The following CRAMP1 variants were observed in gnomAD, a reference collection of about 807,000 sequenced individuals.
CRAMP1 encodes cramped chromatin regulator 1.
In CRAMP1, 50 loss-of-function variants were observed where a neutral mutation model predicts 115.4. The ratio of observed to expected loss-of-function variants is 0.43; its 90% CI spans 0.35 to 0.55. The LOEUF is 0.55. Among genes scored for constraint, CRAMP1 ranks in the 20% least tolerant of loss-of-function variants. CRAMP1 has a pLI of 0.01. For missense variants in CRAMP1, 1,679 were observed against 1,721.7 expected (o/e 0.98, Z 0.44); for synonymous variants, 866 against 745.4 (o/e 1.16, Z -2.64).
In CRAMP1 at chr16:1,639,491, A is replaced by G. The variant is rs137940381; in HGVS notation, c.778+1584A>G. On this transcript the variant is annotated intron_variant, in intron 5 of 20. Transcript: ENST00000397412. ...AATCAGAGACTGAAGTGAGGTTACA[A>G]AGGTTACACTCTATGCAAGCATCTG... is the stretch of plus-strand genomic sequence containing the variant. Among the ~76,000 whole-genome samples the G allele has an allele frequency of 4.1e-4, 63 of 151,946 alleles. 1 individual carries two copies. Among genetic ancestry groups the G allele is most frequent in the African/African-American group, 1.4e-3 (58 of 41,476 alleles).
At chr16:1,623,388 T>C (rs1046408333) in intron 2 of CRAMP1, among the ~76,000 whole-genome samples, 2 of 152,214 alleles carry the variant, frequency 1.3e-5, no homozygotes, top group African/African-American at 2.4e-5. Context: ...GCTCAGACAC[T>C]CCATTCTGTT....
Position 1,614,819 on chromosome 16 carries a change from C to A in CRAMP1, c.180C>A (p.Pro60=), listed in dbSNP as rs2036402994. The change falls in exon 2 of 21, where the codon CCC becomes CCA. Residue 60 remains proline (P), a synonymous_variant. Transcript: ENST00000397412. This position sits in a 1 kb window ranked among gnomAD's most constrained non-coding sequence, Gnocchi z 4.4. ...KTPRAGADGP[P]APPGAPQAPS... The stretch of plus-strand genomic sequence containing the variant: ...CCCGGGCCGGCGCCGACGGCCCCCC[C>A]GCGCCCCCCGGCGCGCCGCAGGCGC... The A allele has an allele frequency of 3.9e-6, 5 of 1,269,968 alleles. No homozygotes were observed. In the African/African-American group the frequency reaches 7.8e-5, roughly 20 times the overall value. 78.7% of individuals were successfully genotyped at this position (1,269,968 alleles called of 1,614,324 possible).
intron 4 of CRAMP1, among the ~76,000 whole-genome samples, chr16:1,633,668 G>T (rs1181152303): frequency 6.6e-6 from 1 of 152,208 alleles, no homozygotes; most frequent in Non-Finnish European, 1.5e-5. Context: ...TTAATGTCAG[G>T]TTGTGGTGAG....
At chr16:1,663,276 C>T (rs1296272333) in intron 13 of CRAMP1, among the ~76,000 whole-genome samples, 1 of 152,192 alleles carries the variant, frequency 6.6e-6, no homozygotes, top group Admixed American at 6.5e-5. Context: ...AGAAGAAGAG[C>T]TTGGCATTCT....
Position 1,614,324 on chromosome 16 carries a change from C to T in CRAMP1, c.-1-315C>T, listed in dbSNP as rs1264416012. ...GCTCCCATAGACCCCGGGGCCGGGG[C>T]CGGGGCCGGGGCCGGGCAGGGTCCG... On this transcript the variant is annotated intron_variant, in intron 1 of 20. Coordinates refer to ENST00000397412, the MANE Select transcript of CRAMP1 (RefSeq NM_020825.4). The surrounding 1 kb of genome is among the most constrained non-coding windows in gnomAD (Gnocchi z 4.4). 2.7e-5 allele frequency among the ~76,000 whole-genome samples: 4 copies of T among 145,566 alleles called. 1 individual carries two copies. Among genetic ancestry groups the T allele is most frequent in the Middle Eastern group, 3.5e-3 (1 of 284 alleles).
At chr16:1,632,429 C>T in intron 4 of CRAMP1, 64 bp downstream of exon 4, 1 of 1,472,150 alleles carries the variant, frequency 6.8e-7, no homozygotes, top group East Asian at 2.5e-5. Context: ...GCTCAGAGCG[C>T]AGCTTCCAGC....
chr16:1,632,407 G>C (rs769342499), intron 4 of CRAMP1, 42 bp downstream of exon 4: 4 of 1,547,234 alleles, frequency 2.6e-6, no homozygotes, highest in Non-Finnish European at 3.5e-6. Flanking sequence ...CCCACAGGCA[G>C]GGCCGGCTTC....
At chr16:1,663,239 G>GGACAGC (rs1298045829) in intron 13 of CRAMP1, among the ~76,000 whole-genome samples, 1 of 152,148 alleles carries the variant, frequency 6.6e-6, no homozygotes, top group Non-Finnish European at 1.5e-5. Flanking sequence ...CAAGCCTGGG[G>GGACAGC]GACAGCCAGG....
At chr16:1,633,627 GGTCAGATCCC>G (rs1179127627) in intron 4 of CRAMP1, among the ~76,000 whole-genome samples, 4 of 152,192 alleles carry the variant, frequency 2.6e-5, no homozygotes, top group Non-Finnish European at 4.4e-5. Context: ...TCTCAGCACT[GGTCAGATCCC>G]GTCATCCAAG....
At chr16:1,645,180 T>G (rs1196687142) in intron 6 of CRAMP1, among the ~76,000 whole-genome samples, 1 of 151,942 alleles carries the variant, frequency 6.6e-6, no homozygotes, top group Non-Finnish European at 1.5e-5. Flanking sequence ...AACACTTCGT[T>G]GGTTTATTTT....
At chr16:1,646,309 A>G (rs992134276) in intron 6 of CRAMP1, among the ~76,000 whole-genome samples, 2 of 152,104 alleles carry the variant, frequency 1.3e-5, no homozygotes, top group Non-Finnish European at 2.9e-5. Context: ...TTGGCTTTAC[A>G]TGGAGCTGCC....
In CRAMP1 at chr16:1,655,793, G is replaced by A. The variant is rs79007183; in HGVS notation, c.1120-84G>A. 283 of 1,463,120 alleles carry A rather than the reference G, an allele frequency of 1.9e-4. 1 individual carries two copies. The East Asian group carries it at 6.1e-3, about 32-fold the overall frequency. 90.6% of individuals were successfully genotyped at this position (1,463,120 alleles called of 1,614,324 possible). A position where few individuals can be genotyped will look rare whatever the true frequency, so the allele number is the denominator to read the frequency against. ...ACCCTGGGGGATGCCAGTGGGGAGC[G>A]TGGCTCGTGTCTGTACCCATGTGCC... On this transcript the variant is annotated intron_variant, in intron 9 of 20. Transcript: ENST00000397412.
Position 1,674,018 on chromosome 16 carries a change from C to T in CRAMP1, c.3783C>T (p.Gly1261=). The part of the protein sequence containing the change: ...REALFDGGGG[G]PAVSDLSQ ...CTCTGTTTGATGGTGGTGGAGGCGG[C>T]CCCGCTGTCAGTGACCTGTCCCAGT... is the stretch of plus-strand genomic sequence containing the variant. Residue 1261 remains glycine (G), a synonymous_variant, in exon 21 of 21, where the codon GGC becomes GGT. Transcript: ENST00000397412. 6.2e-7 allele frequency: 1 copy of T among 1,612,148 alleles called. No homozygotes were observed. The highest frequency in any genetic ancestry group is 1.7e-5 in the Admixed American group (1 of 60,010).
At chr16:1,673,746 C>T (rs2036942968) in intron 20 of CRAMP1, 135 bp from the exon 21 acceptor site, 1 of 749,710 alleles carries the variant, frequency 1.3e-6, no homozygotes, top group Non-Finnish European at 2.3e-6. Flanking sequence ...TGCACAGAGC[C>T]CTGGGCTGCC....
chr16:1,651,009 A>G (rs2036717685), intron 6 of CRAMP1, among the ~76,000 whole-genome samples: 1 of 152,210 alleles, frequency 6.6e-6, no homozygotes, highest in African/African-American at 2.4e-5. Context: ...GAGAAGTCAC[A>G]GAGGTAGACT....
chr16:1,625,147 T>C (rs1484889574), intron 2 of CRAMP1, among the ~76,000 whole-genome samples: 1 of 152,102 alleles, frequency 6.6e-6, no homozygotes, highest in Non-Finnish European at 1.5e-5. Flanking sequence ...CAGTTCCCGC[T>C]CCCTCTGCGA....
rs1212978869 is a variant in CRAMP1 at position 1,656,766 on chromosome 16, C to G, written c.2009C>G (p.Ala670Gly). The change falls in exon 10 of 21, where the codon GCT (alanine) becomes GGT (glycine). Residue 670 changes from alanine to glycine, a missense_variant. Coordinates refer to ENST00000397412, the MANE Select transcript of CRAMP1 (RefSeq NM_020825.4). The surrounding 1 kb of genome is among the most constrained non-coding windows in gnomAD (Gnocchi z 5.6). Reference protein sequence around the residue: ...PPKEVPASRLAQQLREEGWNL... With the variant: ...PPKEVPASRLGQQLREEGWNL... ...AAGGAGGTCCCCGCCAGCCGGCTGG[C>G]TCAGCAGCTCCGTGAGGAGGGCTGG... 3 of 1,547,688 alleles carry G rather than the reference C, an allele frequency of 1.9e-6. No homozygotes were observed. The East Asian group carries it at 7.3e-5, about 38-fold the overall frequency.
At chr16:1,657,262 G>A (rs1166928726) in intron 10 of CRAMP1, among the ~76,000 whole-genome samples, 1 of 152,226 alleles carries the variant, frequency 6.6e-6, no homozygotes, top group Non-Finnish European at 1.5e-5. Flanking sequence ...CCCCACTTAC[G>A]TGCACGGTTC....
At chr16:1,620,501 C>T (rs1442554411) in intron 2 of CRAMP1, 2 of 402,616 alleles carry the variant, frequency 5.0e-6, no homozygotes, top group Non-Finnish European at 5.2e-6. Context: ...GGTGTTCTGT[C>T]ACTCTTGATT....
Sources: allele counts gnomAD v4.1 joint callset (sites outside exome capture counted in the v4.1 genomes callset), GRCh38; gene constraint gnomAD v4.1.1; non-coding constraint Gnocchi (gnomAD v3.1); transcripts MANE v1.5; gene names NCBI Gene and HGNC (gene_info 2026-07-23, HGNC 2026-07-21).